SAMD5: variants seen among roughly 807,000 people sequenced by gnomAD.
SAMD5 encodes sterile alpha motif domain-containing protein 5.
A neutral mutation model predicts 11.3 loss-of-function variants in SAMD5; 13 were observed. The ratio of observed to expected loss-of-function variants is 1.15; its 90% CI spans 0.75 to 1.83. SAMD5 has a LOEUF of 1.83. Among genes scored for constraint, SAMD5 ranks in the 40% most tolerant of loss-of-function variants. The probability of loss-of-function intolerance (pLI) is 0.00; values close to 1 mark genes in which losing one functional copy is unlikely to be tolerated. For synonymous variants in SAMD5, 129 were observed against 111.3 expected, an observed-to-expected ratio of 1.16 and a Z score of -1.00; for missense variants, 255 against 239.1, an observed-to-expected ratio of 1.07 and a Z score of -0.44.
At chr6:147,813,348 A>G in the SAMD5 span, among the ~76,000 whole-genome samples, 2 of 152,222 alleles carry the variant, frequency 1.3e-5, no homozygotes, top group Non-Finnish European at 2.9e-5. Context: ...AAACAGTTTA[A>G]TTCTAGATAC....
intron 1 of SAMD5, among the ~76,000 whole-genome samples, chr6:147,690,967 GT>G (rs35385533): frequency 0.2 from 14,285 of 73,192 alleles, 626 homozygotes; most frequent in Middle Eastern, 0.25. Context: ...CAGCTCTCGG[GT>G]TTTTTTTTTT....
chr6:147,819,934 A>C, the SAMD5 span, among the ~76,000 whole-genome samples: 4 of 152,312 alleles, frequency 2.6e-5, no homozygotes, highest in Middle Eastern at 3.4e-3. Flanking sequence ...ATCTTGGCAC[A>C]CGAGGAGGAG....
intron 1 of SAMD5, among the ~76,000 whole-genome samples, chr6:147,560,018 A>T (rs1244663768): frequency 6.6e-6 from 1 of 152,164 alleles, no homozygotes; most frequent in Non-Finnish European, 1.5e-5. Flanking sequence ...GGCAATAAAG[A>T]CTATCTGACT....
chr6:147,586,253 T>G (rs1278089483), intron 1 of SAMD5, among the ~76,000 whole-genome samples: 6 of 152,184 alleles, frequency 3.9e-5, no homozygotes, highest in South Asian at 4.1e-4. Context: ...ACGGGCAAAC[T>G]GCCTAGTCTC....
intron 1 of SAMD5, among the ~76,000 whole-genome samples, chr6:147,678,798 C>T (rs1303267139): frequency 6.6e-6 from 1 of 152,054 alleles, no homozygotes; most frequent in African/African-American, 2.4e-5. Context: ...TTTAAAACAC[C>T]TTTAATGAGG....
chr6:147,805,695 C>T, the SAMD5 span, among the ~76,000 whole-genome samples: 104 of 152,130 alleles, frequency 6.8e-4, 1 homozygote, highest in African/African-American at 2.2e-3. Context: ...ATAAGCTCAG[C>T]AAGATAGAGT....
At chr6:147,683,059 T>C (rs1168208275) in intron 1 of SAMD5, among the ~76,000 whole-genome samples, 1 of 152,210 alleles carries the variant, frequency 6.6e-6, no homozygotes, top group African/African-American at 2.4e-5. Flanking sequence ...ATTGAATAAA[T>C]AGACAGAAGG....
chr6:147,686,606 G>C (rs949377404), intron 1 of SAMD5, among the ~76,000 whole-genome samples: 3 of 151,942 alleles, frequency 2.0e-5, no homozygotes, highest in African/African-American at 7.3e-5. Context: ...TCTGTTTCTG[G>C]TTCCTTTATA....
chr6:147,787,201 T>C, the SAMD5 span, among the ~76,000 whole-genome samples: 1 of 152,204 alleles, frequency 6.6e-6, no homozygotes, highest in Admixed American at 6.5e-5. Context: ...ATGAAATGGC[T>C]AATTTTTTCT....
intron 1 of SAMD5, among the ~76,000 whole-genome samples, chr6:147,676,767 G>C (rs1191617562): frequency 1.4e-5 from 2 of 144,866 alleles, no homozygotes; most frequent in African/African-American, 5.1e-5. Flanking sequence ...GAGAGATGCA[G>C]CTTTCCAGTA....
chr6:147,528,958 T>C (rs1391414139), intron 1 of SAMD5, among the ~76,000 whole-genome samples: 1 of 152,232 alleles, frequency 6.6e-6, no homozygotes, highest in African/African-American at 2.4e-5. Flanking sequence ...TCCATCACTT[T>C]TGACCTGTGT....
chr6:147,859,349 G>A, the SAMD5 span, among the ~76,000 whole-genome samples: 1 of 152,168 alleles, frequency 6.6e-6, no homozygotes. Context: ...ACAATTGAAA[G>A]AACAAAGGCA....
the SAMD5 span, among the ~76,000 whole-genome samples, chr6:147,882,203 G>A: frequency 1.3e-5 from 2 of 152,036 alleles, no homozygotes; most frequent in East Asian, 1.9e-4. Context: ...TGGCATTTTG[G>A]TAGACATAGA....
the SAMD5 span, among the ~76,000 whole-genome samples, chr6:147,894,587 G>A: frequency 1.3e-5 from 2 of 152,152 alleles, no homozygotes; most frequent in African/African-American, 4.8e-5. Context: ...TTGCTAAGCA[G>A]TATTTATAAC....
In SAMD5 at chr6:147,569,473, A is replaced by G. The variant is rs1377580723; in HGVS notation, c.*5017A>G. 2.2e-5 allele frequency: 20 copies of G among 911,914 alleles called. No individual in the cohort carries two copies. The highest frequency in any genetic ancestry group is 2.6e-5 in the Non-Finnish European group (20 of 763,032). The allele number at this position is 911,914 out of a possible 1,614,324, so 56.5% of individuals were successfully genotyped here. A position where few individuals can be genotyped will look rare whatever the true frequency, so the allele number is the denominator to read the frequency against. On this transcript the variant is annotated 3_prime_UTR_variant, in exon 2 of 2. Coordinates refer to ENST00000367474, the MANE Select transcript of SAMD5 (RefSeq NM_001030060.3). ...CCAAAAGGAAATAAATCTACAATAAATCTACTTTCTAAATATTATTTAAGA... is the reference window on the plus strand; with the variant it reads ...CCAAAAGGAAATAAATCTACAATAAGTCTACTTTCTAAATATTATTTAAGA...
the SAMD5 span, among the ~76,000 whole-genome samples, chr6:147,935,034 A>C: frequency 0.1 from 15,436 of 152,230 alleles, 1,074 homozygotes; most frequent in South Asian, 0.3. Context: ...CATTAAACAA[A>C]TGTATGACAT....
chr6:147,706,229 T>A (rs946414640), intron 1 of SAMD5, among the ~76,000 whole-genome samples: 1 of 152,136 alleles, frequency 6.6e-6, no homozygotes, highest in East Asian at 1.9e-4. Flanking sequence ...TTTTTTGTTT[T>A]TGTTTTTTTC....
chr6:147,624,726 G>T (rs1370523207), intron 1 of SAMD5, among the ~76,000 whole-genome samples: 2 of 152,116 alleles, frequency 1.3e-5, no homozygotes, highest in African/African-American at 2.4e-5. Flanking sequence ...TTGGGGGAAA[G>T]GGTGGGAAGT....
intron 1 of SAMD5, among the ~76,000 whole-genome samples, chr6:147,735,929 G>A (rs1791796946): frequency 6.6e-6 from 1 of 152,070 alleles, no homozygotes; most frequent in South Asian, 2.1e-4. Flanking sequence ...CTCTTTCTCA[G>A]TGCAACCTTG....
Sources: allele counts gnomAD v4.1 joint callset (sites outside exome capture counted in the v4.1 genomes callset), GRCh38; gene constraint gnomAD v4.1.1; transcripts MANE v1.5; gene names NCBI Gene and HGNC (gene_info 2026-07-23, HGNC 2026-07-21).